CNTN5: variants seen among roughly 807,000 people sequenced by gnomAD.
The protein encoded by CNTN5 is contactin-5.
CNTN5 carries 77 observed loss-of-function variants against 129.1 expected under a neutral mutation model. That is an observed-to-expected ratio of 0.60 (90% CI 0.50 to 0.72). The LOEUF (loss-of-function observed/expected upper bound fraction) is 0.72, where lower values mean the gene tolerates loss of function less well. CNTN5 is among the 30% of genes least tolerant of loss of function. CNTN5 has a pLI of 0.00. For synonymous variants in CNTN5, 509 were observed against 465.6 expected, an observed-to-expected ratio of 1.09 and a Z score of -1.20; for missense variants, 1,478 against 1,328.8, an observed-to-expected ratio of 1.11 and a Z score of -1.75.
intron 9 of CNTN5, among the ~76,000 whole-genome samples, chr11:100,010,252 A>G (rs1355453035): frequency 2.0e-5 from 3 of 152,148 alleles, no homozygotes; most frequent in Non-Finnish European, 2.9e-5. Context: ...ACTAAGTAAC[A>G]CAGGGTAAAA....
chr11:99,473,235 C>T (rs1945243557), intron 2 of CNTN5, among the ~76,000 whole-genome samples: 1 of 152,246 alleles, frequency 6.6e-6, no homozygotes, highest in African/African-American at 2.4e-5. Flanking sequence ...TCTTTTGATA[C>T]TTGAAATGAA....
At chr11:99,997,573 G>A (rs1179360660) in intron 8 of CNTN5, among the ~76,000 whole-genome samples, 2 of 152,072 alleles carry the variant, frequency 1.3e-5, no homozygotes, top group East Asian at 1.9e-4. Flanking sequence ...TTCTACCAGA[G>A]GTACAAGGAG....
At chr11:99,509,177 A>T (rs565459623) in intron 2 of CNTN5, among the ~76,000 whole-genome samples, 1 of 152,214 alleles carries the variant, frequency 6.6e-6, no homozygotes, top group Admixed American at 6.5e-5. Flanking sequence ...TATATATTTC[A>T]GAAGATTTGG....
intron 2 of CNTN5, among the ~76,000 whole-genome samples, chr11:99,392,005 C>A (rs1045761766): frequency 6.6e-6 from 1 of 151,878 alleles, no homozygotes; most frequent in South Asian, 2.1e-4. Context: ...ACTCACAATG[C>A]TGAAATCATT....
intron 1 of CNTN5, among the ~76,000 whole-genome samples, chr11:99,308,666 C>T (rs976998164): frequency 3.9e-5 from 6 of 152,198 alleles, no homozygotes; most frequent in South Asian, 2.1e-4. Context: ...AATATTCAAC[C>T]GTTATTTCTC....
chr11:99,839,083 T>C (rs935635101), intron 4 of CNTN5, among the ~76,000 whole-genome samples: 8 of 152,110 alleles, frequency 5.3e-5, no homozygotes, highest in Non-Finnish European at 1.2e-4. Context: ...AAGGCATGTT[T>C]ACTTTATATC....
intron 6 of CNTN5, among the ~76,000 whole-genome samples, chr11:99,886,597 A>G: frequency 6.6e-6 from 1 of 152,224 alleles, no homozygotes; most frequent in South Asian, 2.1e-4. Flanking sequence ...TGGGAAAACC[A>G]TATACCATGA....
chr11:99,937,186 A>G (rs1950334329), intron 7 of CNTN5, among the ~76,000 whole-genome samples: 1 of 152,260 alleles, frequency 6.6e-6, no homozygotes, highest in South Asian at 2.1e-4. Flanking sequence ...TCTTTAGAGC[A>G]TAAAATATAG....
chr11:99,981,403 A>G (rs1938340550), intron 8 of CNTN5, among the ~76,000 whole-genome samples: 1 of 152,056 alleles, frequency 6.6e-6, no homozygotes, highest in African/African-American at 2.4e-5. Flanking sequence ...TCTCATTTCC[A>G]GGAAATAGAC....
At position 100,255,808 on chromosome 11, in the gene CNTN5, G is replaced by C. The variant is rs755580163; in HGVS notation, c.2054G>C (p.Ser685Thr). 1.2e-6 allele frequency: 2 copies of C among 1,613,772 alleles called. No individual in the cohort carries two copies. The highest frequency in any genetic ancestry group is 3.3e-5 in the Admixed American group (2 of 59,994). Residue 685 changes from serine (S) to threonine (T), a missense_variant, in exon 17 of 25, where the codon AGT becomes ACT. Transcript: ENST00000524871. ...GTAATTGTTGAGGAAATAACCGAAA[G>C]TACGGCCACACTGTCCTGGAGCCCA... ...GIVIVEEITE[S>T]TATLSWSPAA...
intron 1 of CNTN5, among the ~76,000 whole-genome samples, chr11:99,038,376 G>A (rs1863845705): frequency 6.6e-6 from 1 of 152,042 alleles, no homozygotes; most frequent in African/African-American, 2.4e-5. Flanking sequence ...AGAGTGATCA[G>A]ATCAGCGTAA....
rs1950586858 is a variant in CNTN5 at position 100,279,553 on chromosome 11, T to C, written c.2314+8312T>C. On this transcript the variant is annotated intron_variant, in intron 18 of 24. Transcript: ENST00000524871. Reference sequence around the variant, plus strand: ...GTTCAATCTTGATAGGTTGTATGTGTCTAGAAATTTGTCCATTTCTTCTAG... The same window carrying C: ...GTTCAATCTTGATAGGTTGTATGTGCCTAGAAATTTGTCCATTTCTTCTAG... Among the ~76,000 whole-genome samples, 5 of 152,064 alleles carry C rather than the reference T, an allele frequency of 3.3e-5. No individual in the cohort carries two copies. In the South Asian group the frequency reaches 1.0e-3, roughly 32 times the overall value.
rs565241547 is a variant in CNTN5 at position 99,935,687 on chromosome 11, T to G, written c.673+19538T>G. ...CCTTGTGAGAGAATCAGTATTAAGT[T>G]TGTTGATAAGTATTGTCAAACTGTC... On this transcript the variant is annotated intron_variant, in intron 7 of 24. Coordinates refer to ENST00000524871, the MANE Select transcript of CNTN5 (RefSeq NM_014361.4). 2.6e-5 allele frequency among the ~76,000 whole-genome samples: 4 copies of G among 152,216 alleles called. No homozygotes were observed. In the East Asian group the frequency reaches 7.7e-4, roughly 29 times the overall value.
At position 99,164,422 on chromosome 11, in the gene CNTN5, A is replaced by G. The variant is rs377372424; in HGVS notation, c.-210+143152A>G. 8.5e-5 allele frequency among the ~76,000 whole-genome samples: 13 copies of G among 152,242 alleles called. No homozygotes were observed. The South Asian group carries it at 2.5e-3, about 29-fold the overall frequency. On this transcript the variant is annotated intron_variant, in intron 1 of 24. Coordinates refer to ENST00000524871, the MANE Select transcript of CNTN5 (RefSeq NM_014361.4). ...GCAATACAATACTTTAAAAAACTCT[A>G]TAATAGCTAGGTTAGAACAAACCAA...
intron 3 of CNTN5, among the ~76,000 whole-genome samples, chr11:99,801,811 C>G (rs1335619204): frequency 4.6e-5 from 7 of 152,158 alleles, no homozygotes; most frequent in Non-Finnish European, 8.8e-5. Flanking sequence ...TCTCTTCCTT[C>G]TATTCCTGTA....
chr11:99,116,379 G>T (rs932458687), intron 1 of CNTN5, among the ~76,000 whole-genome samples: 2 of 152,108 alleles, frequency 1.3e-5, no homozygotes, highest in Admixed American at 1.3e-4. Flanking sequence ...ATTCTATTAT[G>T]TCCTAGTAGT....
chr11:99,869,966 C>T (rs573266791), intron 6 of CNTN5, among the ~76,000 whole-genome samples: 1 of 152,082 alleles, frequency 6.6e-6, no homozygotes, highest in South Asian at 2.1e-4. Context: ...AGGATGCTGT[C>T]TGGAAATGGA....
chr11:99,300,589 A>G (rs561488534), intron 1 of CNTN5, among the ~76,000 whole-genome samples: 15 of 152,122 alleles, frequency 9.9e-5, no homozygotes, highest in Middle Eastern at 3.4e-3. Flanking sequence ...TCAATGTGTT[A>G]AAAGAAAGAC....
chr11:100,247,896 G>T (rs1210527381), intron 16 of CNTN5, among the ~76,000 whole-genome samples: 1 of 152,050 alleles, frequency 6.6e-6, no homozygotes, highest in South Asian at 2.1e-4. Context: ...TAAACCGCAT[G>T]ATAAAAATAA....
Sources: gnomAD v4.1 joint callset for allele counts (sites outside exome capture counted in the v4.1 genomes callset) on GRCh38, gnomAD v4.1.1 for gene constraint, MANE v1.5 for transcripts, NCBI Gene and HGNC (gene_info 2026-07-23, HGNC 2026-07-21) for gene names.